CLK3: variants seen among roughly 807,000 people sequenced by gnomAD.
The protein encoded by CLK3 is dual specificity protein kinase CLK3.
In CLK3, 24 loss-of-function variants were observed where a neutral mutation model predicts 65.2. The observed-to-expected ratio is 0.37, with a 90% CI of 0.27 to 0.52. CLK3 has a LOEUF of 0.52. Ranked by LOEUF, CLK3 falls within the 20% of genes least tolerant of loss-of-function variation. CLK3 has a pLI of 0.92. For synonymous variants in CLK3, 252 were observed against 240.8 expected, an observed-to-expected ratio of 1.05 and a Z score of -0.43; for missense variants, 506 against 660.0, an observed-to-expected ratio of 0.77 and a Z score of 2.56.
Position 74,624,265 on chromosome 15 carries a change from C to G in CLK3, c.534-637C>G, listed in dbSNP as rs1596289688. The G allele has an allele frequency of 6.6e-6, 1 of 152,608 alleles. No individual in the cohort carries two copies. The highest frequency in any genetic ancestry group is 2.1e-4 in the South Asian group (1 of 4,840). The allele number at this position is 152,608 out of a possible 1,614,324, so 9.5% of individuals were successfully genotyped here. A position where few individuals can be genotyped will look rare whatever the true frequency, so the allele number is the denominator to read the frequency against. ...GAGGTTGGGGGTGGGAGGCACAGAG[C>G]AGGGACTGTTAAAACCTTCTTTGGA... is the stretch of plus-strand genomic sequence containing the variant. On this transcript the variant is annotated intron_variant, in intron 5 of 12. Coordinates refer to ENST00000395066, the MANE Select transcript of CLK3 (RefSeq NM_001130028.2). This position sits in a 1 kb window ranked among gnomAD's most constrained non-coding sequence, Gnocchi z 4.2.
At chr15:74,612,757 C>T (rs886707088), upstream of CLK3, among the ~76,000 whole-genome samples, 1 of 152,228 alleles carries the variant, frequency 6.6e-6, no homozygotes, top group Non-Finnish European at 1.5e-5. Context: ...GTCACTGCCA[C>T]ACAAGGCTTC....
upstream of CLK3, chr15:74,614,814 G>T (rs1186684837): frequency 1.3e-5 from 2 of 152,234 alleles, no homozygotes; most frequent in African/African-American, 4.8e-5. Flanking sequence ...CCAAGGAGGG[G>T]GCGGTGCCTG....
chr15:74,626,859 G>GCA (rs1166998186), intron 7 of CLK3: 1 of 394,714 alleles, frequency 2.5e-6, no homozygotes, highest in Non-Finnish European at 5.1e-6. Flanking sequence ...GAGAGGCGGG[G>GCA]CTGTCTTCCT....
At chr15:74,625,474 A>G (rs530347363) in intron 6 of CLK3, among the ~76,000 whole-genome samples, 1 of 152,260 alleles carries the variant, frequency 6.6e-6, no homozygotes, top group East Asian at 1.9e-4. Context: ...GGAGTGCACT[A>G]GCACTTTCCA....
Position 74,625,083 on chromosome 15 carries a change from T to G in CLK3, c.650+65T>G, listed in dbSNP as rs2062133179. 8 of 1,205,308 alleles carry G rather than the reference T, an allele frequency of 6.6e-6. No homozygotes were observed. The South Asian group carries it at 7.5e-5, about 11-fold the overall frequency. 74.7% of individuals were successfully genotyped at this position (1,205,308 alleles called of 1,614,324 possible). A position where few individuals can be genotyped will look rare whatever the true frequency, so the allele number is the denominator to read the frequency against. ...GGCTGCTGGACCCCCAGGGGCTTAGTAGTGTGCCTTCACCCATCCGCACTG... is the reference window on the plus strand; with the variant it reads ...GGCTGCTGGACCCCCAGGGGCTTAGGAGTGTGCCTTCACCCATCCGCACTG... On this transcript the variant is annotated intron_variant, in intron 6 of 12. Transcript: ENST00000395066.
At chr15:74,615,237 C>A, upstream of CLK3, 1 of 416,070 alleles carries the variant, frequency 2.4e-6, no homozygotes, top group Non-Finnish European at 4.1e-6. Flanking sequence ...TCCCTCCAGA[C>A]TCCGGCCCCG....
Position 74,627,903 on chromosome 15 carries a change from G to C in CLK3, c.1043-67G>C, listed in dbSNP as rs1312451339. 7.5e-7 allele frequency: 1 copy of C among 1,341,396 alleles called. No homozygotes were observed. The highest frequency in any genetic ancestry group is 1.1e-6 in the Non-Finnish European group (1 of 933,538). 83.1% of individuals were successfully genotyped at this position (1,341,396 alleles called of 1,614,324 possible). A position where few individuals can be genotyped will look rare whatever the true frequency, so the allele number is the denominator to read the frequency against. On this transcript the variant is annotated intron_variant, in intron 9 of 12. Coordinates refer to ENST00000395066, the MANE Select transcript of CLK3 (RefSeq NM_001130028.2). The surrounding 1 kb of genome is among the most constrained non-coding windows in gnomAD (Gnocchi z 4.3). ...AGTCCTGCCAGCCGGTGTGGTGGCT[G>C]CCTTGTGACTTCCAGGCTGGAAGCA... is the stretch of plus-strand genomic sequence containing the variant.
intron 1 of CLK3, among the ~76,000 whole-genome samples, chr15:74,617,226 T>G (rs893210685): frequency 1.3e-5 from 2 of 152,256 alleles, no homozygotes; most frequent in African/African-American, 4.8e-5. Context: ...TCTAAGGTCA[T>G]GAGGCTGGTA....
At position 74,620,051 on chromosome 15, in the gene CLK3, T is replaced by C; in HGVS notation, c.195T>C (p.Arg65=). ...ACCAGAGGAGGTACCGGGAGCGCCG[T>C]GACAGCGATACATACCGGTGTGAAG... ...LPYQRRYRER[R]DSDTYRCEER... is the part of the protein sequence containing the mutation. Residue 65 remains arginine (R), a synonymous_variant, in exon 3 of 13, where the codon CGT becomes CGC. Coordinates refer to ENST00000395066, the MANE Select transcript of CLK3 (RefSeq NM_001130028.2). 2 of 1,614,200 alleles carry C rather than the reference T, an allele frequency of 1.2e-6. No individual in the cohort carries two copies. The highest frequency in any genetic ancestry group is 1.3e-5 in the African/African-American group (1 of 75,056).
At chr15:74,628,192 C>T (rs1048325457) in intron 10 of CLK3, 140 bp downstream of exon 10, 2 of 676,732 alleles carry the variant, frequency 3.0e-6, no homozygotes, top group Non-Finnish European at 5.3e-6. Context: ...GATTCAGACC[C>T]TTTAAGGATG....
At chr15:74,615,176 G>A (rs538022106), upstream of CLK3, 12 of 374,840 alleles carry the variant, frequency 3.2e-5, no homozygotes, top group African/African-American at 2.5e-4. Context: ...AGGCCACGCA[G>A]GCCGGCAGGA....
In CLK3 at chr15:74,621,855, T is replaced by C. The variant is rs1328069843; in HGVS notation, c.370-265T>C. 2 of 461,942 alleles carry C rather than the reference T, an allele frequency of 4.3e-6. No homozygotes were observed. The highest frequency in any genetic ancestry group is 2.0e-5 in the African/African-American group (1 of 50,496). The allele number at this position is 461,942 out of a possible 1,614,324, so 28.6% of individuals were successfully genotyped here. On this transcript the variant is annotated intron_variant, in intron 3 of 12. Transcript: ENST00000395066. This position sits in a 1 kb window ranked among gnomAD's most constrained non-coding sequence, Gnocchi z 4.8. The stretch of plus-strand genomic sequence containing the variant: ...TTTGTGGCGCTCCTCTTAAAGATAA[T>C]GTCCGAGTTTTCTTTACATACCTGT...
At chr15:74,616,312 C>T (rs1052957808) in intron 1 of CLK3, among the ~76,000 whole-genome samples, 2 of 152,240 alleles carry the variant, frequency 1.3e-5, no homozygotes, top group African/African-American at 4.8e-5. Flanking sequence ...GTCCGGCTTT[C>T]CCTCTGTCCC....
At chr15:74,609,610 G>A (rs1326104045) in intron 1 of CLK3, among the ~76,000 whole-genome samples, 1 of 152,268 alleles carries the variant, frequency 6.6e-6, no homozygotes, top group Non-Finnish European at 1.5e-5. Context: ...ACCTCAGTGA[G>A]TATCAGCAAC....
At chr15:74,618,054 C>T (rs1309808292) in intron 1 of CLK3, among the ~76,000 whole-genome samples, 2 of 152,178 alleles carry the variant, frequency 1.3e-5, no homozygotes, top group African/African-American at 2.4e-5. Flanking sequence ...GCATGGGGAG[C>T]TGTTCTATGC....
At chr15:74,616,024 A>C in intron 1 of CLK3, 126 bp downstream of exon 1, 5 of 747,584 alleles carry the variant, frequency 6.7e-6, no homozygotes, top group Non-Finnish European at 9.2e-6. Context: ...TTCGGCCCAT[A>C]TCGGGCCGCG....
At chr15:74,626,079 C>T in intron 7 of CLK3, 111 bp downstream of exon 7, 1 of 1,212,356 alleles carries the variant, frequency 8.2e-7, no homozygotes. Flanking sequence ...TTCTCCTGGG[C>T]CTGAGGGACA....
In CLK3 at chr15:74,627,009, T is replaced by C. The variant is rs917574293; in HGVS notation, c.818-343T>C. The C allele has an allele frequency of 2.1e-6, 1 of 483,240 alleles. No homozygotes were observed. Among genetic ancestry groups the C allele is most frequent in the Non-Finnish European group, 4.1e-6 (1 of 245,904 alleles). 29.9% of individuals were successfully genotyped at this position (483,240 alleles called of 1,614,324 possible). A position where few individuals can be genotyped will look rare whatever the true frequency, so the allele number is the denominator to read the frequency against. On this transcript the variant is annotated intron_variant, in intron 7 of 12. Transcript: ENST00000395066. The surrounding 1 kb of genome is among the most constrained non-coding windows in gnomAD (Gnocchi z 4.3). ...CAAAGGGCCCTGCAAATTATGTAGC[T>C]GGTGCAGGGAAGAGGGAACCACCTC... is the stretch of plus-strand genomic sequence containing the variant.
intron 7 of CLK3, 33 bp downstream of exon 7, chr15:74,626,001 G>A (rs1224592010): frequency 2.5e-6 from 4 of 1,608,224 alleles, no homozygotes; most frequent in Non-Finnish European, 1.7e-6. Flanking sequence ...AGCATGGGCA[G>A]CCACATGCCT....
Sources: gnomAD v4.1 joint callset for allele counts (sites outside exome capture counted in the v4.1 genomes callset) on GRCh38, gnomAD v4.1.1 for gene constraint, Gnocchi (gnomAD v3.1) non-coding constraint, MANE v1.5 for transcripts, NCBI Gene and HGNC (gene_info 2026-07-23, HGNC 2026-07-21) for gene names.